The following CWC22 variants were observed in gnomAD, a reference collection of about 807,000 sequenced individuals.
CWC22 encodes CWC22 spliceosome associated protein.
A neutral mutation model predicts 117.2 loss-of-function variants in CWC22; 53 were observed. That is an observed-to-expected ratio of 0.45 (90% CI 0.36 to 0.57). The LOEUF (loss-of-function observed/expected upper bound fraction) is 0.57. CWC22 is among the 20% of genes least tolerant of loss of function. CWC22 has a pLI of 0.00. For missense variants in CWC22, 980 were observed against 1,068.8 expected (o/e 0.92, Z 1.16); for synonymous variants, 360 against 355.6 (o/e 1.01, Z -0.14).
At chr2:179,960,061 TC>T (rs1286719696) in intron 13 of CWC22, among the ~76,000 whole-genome samples, 3 of 152,140 alleles carry the variant, frequency 2.0e-5, no homozygotes, top group African/African-American at 7.2e-5. Context: ...TAAGTTTCTC[TC>T]ATTTCTGCAA....
At chr2:179,974,597 A>G (rs879592998) in intron 6 of CWC22, among the ~76,000 whole-genome samples, 2 of 152,238 alleles carry the variant, frequency 1.3e-5, no homozygotes, top group Non-Finnish European at 2.9e-5. Context: ...CAGCTTATAA[A>G]TTATAGTATC....
Position 179,952,462 on chromosome 2 carries a change from C to A in CWC22, c.1817+9G>T. ...AATAAGAATAAAAAGTGCTTAATGG[C>A]AAACTTACTCATCCTTTAATCTTGC... On this transcript the variant is annotated intron_variant, in intron 17 of 19. Coordinates refer to ENST00000410053, the MANE Select transcript of CWC22 (RefSeq NM_020943.3). The A allele has an allele frequency of 6.4e-7, 1 of 1,552,034 alleles. No individual in the cohort carries two copies. The highest frequency in any genetic ancestry group is 8.7e-7 in the Non-Finnish European group (1 of 1,149,636).
chr2:179,962,785 T>C (rs1686787466), intron 13 of CWC22, among the ~76,000 whole-genome samples: 1 of 152,054 alleles, frequency 6.6e-6, no homozygotes, highest in Non-Finnish European at 1.5e-5. Context: ...CTATAGCAAA[T>C]AACAATGTTG....
intron 4 of CWC22, among the ~76,000 whole-genome samples, chr2:179,985,084 CAGA>C (rs758495989): frequency 1.2e-4 from 18 of 152,052 alleles, no homozygotes; most frequent in South Asian, 2.1e-4. Flanking sequence ...AACTGAGGCT[CAGA>C]AGAAGTTTGT....
At chr2:180,000,255 CCT>C (rs1442761355) in intron 1 of CWC22, among the ~76,000 whole-genome samples, 2 of 152,150 alleles carry the variant, frequency 1.3e-5, no homozygotes, top group African/African-American at 4.8e-5. Flanking sequence ...TCAAAATACT[CCT>C]GTCTCTTTCT....
chr2:179,954,136 G>T, intron 16 of CWC22, 69 bp downstream of exon 16: 2 of 1,200,992 alleles, frequency 1.7e-6, no homozygotes, highest in South Asian at 1.7e-5. Context: ...AATATGGCTA[G>T]CTTATACGAA....
At chr2:179,963,371 C>G (rs1224813203) in intron 13 of CWC22, among the ~76,000 whole-genome samples, 1 of 101,796 alleles carries the variant, frequency 9.8e-6, no homozygotes, top group Non-Finnish European at 1.8e-5. Context: ...GAGACGGAGT[C>G]TCGCTCTGTC....
chr2:179,952,398 T>G, intron 17 of CWC22, 73 bp downstream of exon 17: 2 of 1,096,140 alleles, frequency 1.8e-6, no homozygotes, highest in Non-Finnish European at 2.5e-6. Flanking sequence ...CAGTCTCGGA[T>G]GGGCTTATGT....
intron 1 of CWC22, among the ~76,000 whole-genome samples, chr2:179,995,454 G>C (rs1291906452): frequency 3.3e-5 from 5 of 152,108 alleles, no homozygotes; most frequent in Non-Finnish European, 7.3e-5. Flanking sequence ...TGTTTCAAAG[G>C]CGAAAGAGAG....
At chr2:179,968,955 T>G (rs2105525820) in intron 11 of CWC22, among the ~76,000 whole-genome samples, 1 of 152,300 alleles carries the variant, frequency 6.6e-6, no homozygotes, top group Non-Finnish European at 1.5e-5. Context: ...TAAATATTCT[T>G]TTATATTGTT....
chr2:179,993,589 A>C (rs1193052810), intron 1 of CWC22, 135 bp from the exon 2 acceptor site: 1 of 473,694 alleles, frequency 2.1e-6, no homozygotes, highest in African/African-American at 2.0e-5. Context: ...AAATTGTAAA[A>C]ATCCTTAAGT....
intron 3 of CWC22, 61 bp from the exon 4 acceptor site, chr2:179,986,866 G>T: frequency 1.1e-6 from 1 of 920,062 alleles, no homozygotes; most frequent in South Asian, 1.7e-5. Context: ...AAATATTTAG[G>T]AAAGTCATAT....
intron 3 of CWC22, 78 bp downstream of exon 3, chr2:179,988,499 G>A (rs2105549411): frequency 1.3e-6 from 1 of 764,400 alleles, no homozygotes; most frequent in Non-Finnish European, 2.1e-6. Flanking sequence ...CCTAAAATTA[G>A]AAATCTAAGA....
chr2:179,997,711 A>G (rs1344183145), intron 1 of CWC22, among the ~76,000 whole-genome samples: 1 of 152,232 alleles, frequency 6.6e-6, no homozygotes, highest in African/African-American at 2.4e-5. Flanking sequence ...TCCCCAACAA[A>G]TAATACAGCA....
At chr2:180,004,092 G>C (rs938383666) in intron 1 of CWC22, among the ~76,000 whole-genome samples, 3 of 152,114 alleles carry the variant, frequency 2.0e-5, no homozygotes, top group Non-Finnish European at 2.9e-5. Flanking sequence ...TTCGACAAGG[G>C]AGGCTTCAAA....
chr2:179,988,885 T>C (rs574926821), intron 2 of CWC22, among the ~76,000 whole-genome samples: 73 of 152,118 alleles, frequency 4.8e-4, no homozygotes, highest in African/African-American at 1.7e-3. Flanking sequence ...AACTTCTTTT[T>C]TTTTCTGTTT....
chr2:179,981,731 T>A, intron 5 of CWC22, 21 bp downstream of exon 5: 2 of 1,594,146 alleles, frequency 1.3e-6, no homozygotes, highest in Non-Finnish European at 1.7e-6. Context: ...TGGCTTTGTA[T>A]ACTGATTGAT....
At chr2:179,967,333 T>C (rs1275722411) in intron 11 of CWC22, among the ~76,000 whole-genome samples, 4 of 152,196 alleles carry the variant, frequency 2.6e-5, no homozygotes, top group Admixed American at 6.5e-5. Context: ...ACTCTACTTA[T>C]TAGTATCACT....
chr2:179,985,552 G>A (rs1382253932), intron 4 of CWC22, among the ~76,000 whole-genome samples: 1 of 151,872 alleles, frequency 6.6e-6, no homozygotes, highest in East Asian at 1.9e-4. Context: ...TTATTAAAAC[G>A]CCGACATCTT....
Sources: gnomAD v4.1 joint callset for allele counts (sites outside exome capture counted in the v4.1 genomes callset) on GRCh38, gnomAD v4.1.1 for gene constraint, MANE v1.5 for transcripts, NCBI Gene and HGNC (gene_info 2026-07-23, HGNC 2026-07-21) for gene names.